PEAK1: variants seen among roughly 807,000 people sequenced by gnomAD.
PEAK1 encodes inactive tyrosine-protein kinase PEAK1.
A neutral mutation model predicts 124.7 loss-of-function variants in PEAK1; 54 were observed. The ratio of observed to expected loss-of-function variants is 0.43; its 90% CI spans 0.35 to 0.54. The LOEUF (loss-of-function observed/expected upper bound fraction) is 0.54, where lower values mean the gene tolerates loss of function less well. PEAK1 is among the 20% of genes least tolerant of loss of function. The pLI is 0.01. For synonymous variants in PEAK1, 719 were observed against 760.0 expected, an observed-to-expected ratio of 0.95 and a Z score of 0.89; for missense variants, 2,046 against 2,134.5, an observed-to-expected ratio of 0.96 and a Z score of 0.82.
At chr15:77,184,395 G>GA (rs1386122193) in intron 6 of PEAK1, among the ~76,000 whole-genome samples, 27 of 152,266 alleles carry the variant, frequency 1.8e-4, no homozygotes, top group African/African-American at 6.3e-4. Context: ...CAGGTATTCT[G>GA]AAAAACAGTT....
intron 1 of PEAK1, chr15:77,403,564 C>T (rs892856290): frequency 1.0e-6 from 1 of 971,266 alleles, no homozygotes; most frequent in Non-Finnish European, 1.2e-6. Flanking sequence ...AGTTCTTTCA[C>T]ATATATTCAG....
At chr15:77,218,220 G>A in intron 6 of PEAK1, among the ~76,000 whole-genome samples, 1 of 152,142 alleles carries the variant, frequency 6.6e-6, no homozygotes, top group East Asian at 1.9e-4. Flanking sequence ...CATCATCAAA[G>A]ATGAATATAA....
intron 6 of PEAK1, among the ~76,000 whole-genome samples, chr15:77,184,699 C>A (rs2057451263): frequency 6.6e-6 from 1 of 152,194 alleles, no homozygotes; most frequent in Non-Finnish European, 1.5e-5. Flanking sequence ...GAGTTTGAGA[C>A]TAGCCTGGCC....
At chr15:77,360,300 G>A (rs1375705566) in intron 2 of PEAK1, among the ~76,000 whole-genome samples, 2 of 152,266 alleles carry the variant, frequency 1.3e-5, no homozygotes, top group Admixed American at 6.5e-5. Context: ...AAGAAAACAT[G>A]AGTATTCCCC....
At chr15:77,123,331 A>C (rs2052085638) in intron 9 of PEAK1, among the ~76,000 whole-genome samples, 1 of 152,184 alleles carries the variant, frequency 6.6e-6, no homozygotes, top group Admixed American at 6.5e-5. Context: ...TGCAATGAAA[A>C]AACAATATCT....
At chr15:77,255,335 T>C (rs952804232) in intron 5 of PEAK1, 4 of 958,478 alleles carry the variant, frequency 4.2e-6, no homozygotes, top group Non-Finnish European at 5.0e-6. Flanking sequence ...GAAATTCTGT[T>C]TGGGTTCTGA....
intron 1 of PEAK1, among the ~76,000 whole-genome samples, chr15:77,411,327 C>T (rs2072394396): frequency 6.6e-6 from 1 of 152,184 alleles, no homozygotes; most frequent in Non-Finnish European, 1.5e-5. Context: ...CAGAAACACT[C>T]CTCATCAGTT....
chr15:77,324,420 G>A (rs1313527715), intron 2 of PEAK1, among the ~76,000 whole-genome samples: 3 of 152,202 alleles, frequency 2.0e-5, no homozygotes, highest in Non-Finnish European at 4.4e-5. Context: ...GGCGGAGGCT[G>A]CTGTGAGCTG....
At chr15:77,286,525 G>A (rs1330651870) in intron 2 of PEAK1, 21 bp from the exon 3 acceptor site, 1 of 1,162,558 alleles carries the variant, frequency 8.6e-7, no homozygotes, top group Non-Finnish European at 1.1e-6. Context: ...ATGCAAAGTG[G>A]GGAAGATATA....
intron 2 of PEAK1, among the ~76,000 whole-genome samples, chr15:77,289,543 C>CTTAA (rs2063105799): frequency 1.3e-5 from 2 of 152,158 alleles, no homozygotes; most frequent in Admixed American, 1.3e-4. Flanking sequence ...AATCCTTAAA[C>CTTAA]TTAAATACAC....
At chr15:77,408,064 C>CACATATAT (rs950325257) in intron 1 of PEAK1, among the ~76,000 whole-genome samples, 1 of 127,406 alleles carries the variant, frequency 7.8e-6, no homozygotes, top group Non-Finnish European at 1.8e-5. Flanking sequence ...TGCATAGATA[C>CACATATAT]ACATATATAC....
In PEAK1 at chr15:77,113,022, TGAG is replaced by T. The variant is rs1165593037; in HGVS notation, c.*1131_*1133del. The stretch of plus-strand genomic sequence containing the variant: ...GTCTCTCTAGAAGAGGTCAACCTTC[TGAG>T]GAGGTCAGCAGTCTCATCAGTGGCC... On this transcript the variant is annotated 3_prime_UTR_variant, in exon 10 of 10. Coordinates refer to ENST00000682557, the MANE Select transcript of PEAK1 (RefSeq NM_001385026.1). 6.6e-6 allele frequency: 1 copy of T among 152,280 alleles called. No individual in the cohort carries two copies. Among genetic ancestry groups the T allele is most frequent in the Non-Finnish European group, 1.5e-5 (1 of 68,082 alleles). 9.4% of individuals were successfully genotyped at this position (152,280 alleles called of 1,614,324 possible). A position where few individuals can be genotyped will look rare whatever the true frequency, so the allele number is the denominator to read the frequency against.
intron 5 of PEAK1, among the ~76,000 whole-genome samples, chr15:77,256,730 TTTA>T (rs2061159063): frequency 2.6e-5 from 4 of 152,068 alleles, no homozygotes; most frequent in African/African-American, 9.7e-5. Flanking sequence ...TTTTTTAAAT[TTTA>T]TTATTATTAT....
intron 2 of PEAK1, among the ~76,000 whole-genome samples, chr15:77,312,127 G>C (rs547766107): frequency 6.6e-6 from 1 of 152,250 alleles, no homozygotes; most frequent in East Asian, 1.9e-4. Context: ...TGGGGAGTTA[G>C]AGAAAATAAA....
intron 2 of PEAK1, chr15:77,346,295 C>A: frequency 1.1e-6 from 1 of 946,558 alleles, no homozygotes; most frequent in Non-Finnish European, 1.3e-6. Context: ...ATTGCAGCAG[C>A]AGGTCATTAT....
intron 5 of PEAK1, among the ~76,000 whole-genome samples, chr15:77,279,712 G>A (rs561226062): frequency 6.6e-6 from 1 of 152,242 alleles, no homozygotes; most frequent in African/African-American, 2.4e-5. Context: ...TCTGATTTTT[G>A]GTAGTTCATT....
chr15:77,327,982 A>G (rs1011146330), intron 2 of PEAK1, among the ~76,000 whole-genome samples: 2 of 152,084 alleles, frequency 1.3e-5, no homozygotes, highest in Admixed American at 1.3e-4. Context: ...CAATATCACA[A>G]ATAATAGCAG....
chr15:77,240,842 C>A (rs531813014), intron 6 of PEAK1, among the ~76,000 whole-genome samples: 1 of 152,142 alleles, frequency 6.6e-6, no homozygotes, highest in South Asian at 2.1e-4. Flanking sequence ...CCAATAAGCA[C>A]ATGGAAGAGT....
intron 2 of PEAK1, chr15:77,332,058 G>T: frequency 2.2e-6 from 1 of 447,858 alleles, no homozygotes; most frequent in Non-Finnish European, 2.9e-6. Flanking sequence ...CCAACATGGC[G>T]AAACTGTCTC....
Sources: gnomAD v4.1 joint callset for allele counts (sites outside exome capture counted in the v4.1 genomes callset) on GRCh38, gnomAD v4.1.1 for gene constraint, MANE v1.5 for transcripts, NCBI Gene and HGNC (gene_info 2026-07-23, HGNC 2026-07-21) for gene names.